LONRF2: variants seen among roughly 807,000 people sequenced by gnomAD.
The protein encoded by LONRF2 is LON peptidase N-terminal domain and ring finger 2, also known as LON peptidase N-terminal domain and RING finger protein 2.
Under a neutral mutation model 66.6 loss-of-function variants are expected in LONRF2, and 35 were observed. That is an observed-to-expected ratio of 0.53 (90% CI 0.40 to 0.70). The LOEUF is 0.70. Ranked by LOEUF, LONRF2 falls within the 30% of genes least tolerant of loss-of-function variation. The pLI is 0.00. For missense variants in LONRF2, 902 were observed against 1,002.1 expected (o/e 0.90, Z 1.35); for synonymous variants, 417 against 418.1 (o/e 1.00, Z 0.03).
At chr2:100,306,807 C>T (rs186376659) in intron 2 of LONRF2, among the ~76,000 whole-genome samples, 13 of 152,270 alleles carry the variant, frequency 8.5e-5, no homozygotes, top group African/African-American at 2.6e-4. Context: ...CTTCCCATCC[C>T]CTTACCTTAC....
At position 100,276,954 on chromosome 2, in the gene LONRF2, C is replaced by T. The variant is rs1353269799; in HGVS notation, c.*7344G>A. 1 of 152,222 alleles carries T rather than the reference C, an allele frequency of 6.6e-6. No individual in the cohort carries two copies. The highest frequency in any genetic ancestry group is 1.5e-5 in the Non-Finnish European group (1 of 68,040). 9.4% of individuals were successfully genotyped at this position (152,222 alleles called of 1,614,324 possible). ...ACCACATCCGCCTTCTCCAGGAGCACAAATGAGGAAACTCATTGTCACACT... is the reference window on the plus strand; with the variant it reads ...ACCACATCCGCCTTCTCCAGGAGCATAAATGAGGAAACTCATTGTCACACT... On this transcript the variant is annotated 3_prime_UTR_variant, in exon 12 of 12. Coordinates refer to ENST00000393437, the MANE Select transcript of LONRF2 (RefSeq NM_198461.4).
chr2:100,307,817 A>G (rs1188032357), intron 2 of LONRF2, among the ~76,000 whole-genome samples: 1 of 152,220 alleles, frequency 6.6e-6, no homozygotes, highest in Non-Finnish European at 1.5e-5. Flanking sequence ...CATTGTATAC[A>G]TGTTTCAAAT....
intron 1 of LONRF2, among the ~76,000 whole-genome samples, chr2:100,310,881 T>C (rs1675394477): frequency 6.6e-6 from 1 of 152,196 alleles, no homozygotes; most frequent in African/African-American, 2.4e-5. Context: ...TAACAATAAT[T>C]TAAGTACTTT....
chr2:100,285,907 A>G (rs1365442206), intron 11 of LONRF2, among the ~76,000 whole-genome samples: 1 of 152,204 alleles, frequency 6.6e-6, no homozygotes, highest in Non-Finnish European at 1.5e-5. Flanking sequence ...GGAAGCTAAT[A>G]TACCCGCCAA....
chr2:100,294,111 T>G (rs1174469444), intron 9 of LONRF2, 118 bp downstream of exon 9: 7 of 1,191,860 alleles, frequency 5.9e-6, no homozygotes, highest in Non-Finnish European at 8.3e-6. Flanking sequence ...ACTTGGACTT[T>G]GTTACGTAAC....
chr2:100,296,564 A>G (rs1384061552), intron 7 of LONRF2, among the ~76,000 whole-genome samples: 1 of 152,126 alleles, frequency 6.6e-6, no homozygotes, highest in Non-Finnish European at 1.5e-5. Context: ...TCCTTCGCAT[A>G]CTGCCAGGTT....
At chr2:100,300,049 G>A in intron 4 of LONRF2, 131 bp from the exon 5 acceptor site, 1 of 596,196 alleles carries the variant, frequency 1.7e-6, no homozygotes, top group South Asian at 2.2e-5. Context: ...CTTCATAATT[G>A]GTTTCATCTG....
chr2:100,309,044 T>C (rs1176909345), intron 2 of LONRF2, 63 bp downstream of exon 2: 3 of 1,117,736 alleles, frequency 2.7e-6, no homozygotes, highest in African/African-American at 3.1e-5. Flanking sequence ...ATCTTACTTT[T>C]GTTTTTAAGA....
chr2:100,281,085 AC>A lies in LONRF2; in HGVS notation c.*3212del, dbSNP rs1397032072. ...AAAATTATAACAAATTCTATGTAAC[AC>A]AGGCAATGGAGTATTTCGATGGTAG... On this transcript the variant is annotated 3_prime_UTR_variant, in exon 12 of 12. Transcript: ENST00000393437. 6.6e-6 allele frequency: 1 copy of A among 152,224 alleles called. No individual in the cohort carries two copies. The highest frequency in any genetic ancestry group is 1.9e-4 in the East Asian group (1 of 5,194). 9.4% of individuals were successfully genotyped at this position (152,224 alleles called of 1,614,324 possible). A position where few individuals can be genotyped will look rare whatever the true frequency, so the allele number is the denominator to read the frequency against.
intron 9 of LONRF2, among the ~76,000 whole-genome samples, chr2:100,293,422 C>T (rs560815838): frequency 2.7e-4 from 41 of 152,302 alleles, no homozygotes; most frequent in African/African-American, 9.9e-4. Flanking sequence ...TTGCCAGGCT[C>T]CTTTGCAGCA....
intron 7 of LONRF2, among the ~76,000 whole-genome samples, chr2:100,296,050 A>G (rs1235033857): frequency 1.3e-5 from 2 of 152,164 alleles, no homozygotes; most frequent in Admixed American, 1.3e-4. Context: ...GCAAAAGGCA[A>G]AGGTTGACTT....
intron 9 of LONRF2, 133 bp from the exon 10 acceptor site, chr2:100,290,553 G>T: frequency 1.1e-6 from 1 of 873,918 alleles, no homozygotes; most frequent in Non-Finnish European, 1.7e-6. Context: ...GACCAGCAAG[G>T]TTATTGTCGC....
chr2:100,291,233 G>A (rs1386815296), intron 9 of LONRF2, among the ~76,000 whole-genome samples: 1 of 152,076 alleles, frequency 6.6e-6, no homozygotes, highest in Non-Finnish European at 1.5e-5. Flanking sequence ...CAGAGTGCAG[G>A]TCTGGAGAGC....
chr2:100,317,719 G>A (rs977501045), intron 1 of LONRF2, among the ~76,000 whole-genome samples: 1 of 151,466 alleles, frequency 6.6e-6, no homozygotes, highest in African/African-American at 2.4e-5. Context: ...ATATTTTCAG[G>A]TAAAGAATTC....
At chr2:100,310,297 T>A (rs910118967) in intron 1 of LONRF2, among the ~76,000 whole-genome samples, 5 of 152,224 alleles carry the variant, frequency 3.3e-5, no homozygotes, top group Admixed American at 6.5e-5. Context: ...CACTCTACCT[T>A]TGCCCACCTA....
chr2:100,313,423 A>G (rs1016978597), intron 1 of LONRF2, among the ~76,000 whole-genome samples: 1 of 152,112 alleles, frequency 6.6e-6, no homozygotes, highest in Admixed American at 6.6e-5. Flanking sequence ...TGAACCTGGG[A>G]GGTGGAGGTT....
At chr2:100,303,663 T>C (rs950858634) in intron 2 of LONRF2, among the ~76,000 whole-genome samples, 4 of 152,220 alleles carry the variant, frequency 2.6e-5, no homozygotes, top group Non-Finnish European at 5.9e-5. Flanking sequence ...CAGTTTCAGA[T>C]GAGATGACAA....
At position 100,276,557 on chromosome 2, in the gene LONRF2, A is replaced by G. The variant is rs1674605281; in HGVS notation, c.*7741T>C. On this transcript the variant is annotated 3_prime_UTR_variant, in exon 12 of 12. Coordinates refer to ENST00000393437, the MANE Select transcript of LONRF2 (RefSeq NM_198461.4). ...TAAAACAGTTAATATGAGGTATTCA[A>G]GGATTAAAACTTACTAATTAATAAA... 6.6e-6 allele frequency: 1 copy of G among 152,206 alleles called. No homozygotes were observed. Among genetic ancestry groups the G allele is most frequent in the Non-Finnish European group, 1.5e-5 (1 of 68,032 alleles). The allele number at this position is 152,206 out of a possible 1,614,324, so 9.4% of individuals were successfully genotyped here.
chr2:100,306,014 G>A (rs1314454813), intron 2 of LONRF2, among the ~76,000 whole-genome samples: 2 of 152,056 alleles, frequency 1.3e-5, no homozygotes, highest in Non-Finnish European at 2.9e-5. Context: ...TCAGCCTCCG[G>A]AGTAGCTGGG....
Sources: gnomAD v4.1 joint callset for allele counts (sites outside exome capture counted in the v4.1 genomes callset) on GRCh38, gnomAD v4.1.1 for gene constraint, MANE v1.5 for transcripts, NCBI Gene and HGNC (gene_info 2026-07-23, HGNC 2026-07-21) for gene names.